PRCC: variants seen among roughly 807,000 people sequenced by gnomAD.
PRCC encodes the protein proline rich mitotic checkpoint control factor.
Under a neutral mutation model 44.0 loss-of-function variants are expected in PRCC, and 10 were observed. The observed-to-expected ratio is 0.23, with a 90% CI of 0.14 to 0.39. PRCC has a LOEUF of 0.39. Among genes scored for constraint, PRCC ranks in the 10% least tolerant of loss-of-function variants. The probability of loss-of-function intolerance (pLI) is 1.00; values close to 1 mark genes in which losing one functional copy is unlikely to be tolerated. For synonymous variants in PRCC, 278 were observed against 259.5 expected (o/e 1.07, Z -0.69); for missense variants, 573 against 624.7 (o/e 0.92, Z 0.88).
Position 156,767,771 on chromosome 1 carries a change from C to T in PRCC, c.-1C>T. On this transcript the variant is annotated 5_prime_UTR_variant, in exon 1 of 7. Coordinates refer to ENST00000271526, the MANE Select transcript of PRCC (RefSeq NM_005973.5). ...AGGGCGCCCGAAACGCGGGAGGCGCCATGTCGCTGGTTGCTTACGCCAGCA... is the reference window on the plus strand; with the variant it reads ...AGGGCGCCCGAAACGCGGGAGGCGCTATGTCGCTGGTTGCTTACGCCAGCA... The T allele has an allele frequency of 2.5e-6, 4 of 1,596,118 alleles. No homozygotes were observed. The highest frequency in any genetic ancestry group is 3.4e-6 in the Non-Finnish European group (4 of 1,173,004).
In PRCC at chr1:156,788,100, T is replaced by C. The variant is rs146659921; in HGVS notation, c.1083+926T>C. Among the ~76,000 whole-genome samples, 813 of 152,286 alleles carry C rather than the reference T, an allele frequency of 5.3e-3. 4 individuals are homozygous for C. Among genetic ancestry groups the C allele is most frequent in the Non-Finnish European group, 6.5e-3 (443 of 68,018 alleles). ...ATCTGCCCGTTGCAGCCTCCTAAAG[T>C]GATGGAATTATAGTGTGAGCCACCA... On this transcript the variant is annotated intron_variant, in intron 3 of 6. Coordinates refer to ENST00000271526, the MANE Select transcript of PRCC (RefSeq NM_005973.5).
intron 6 of PRCC, among the ~76,000 whole-genome samples, chr1:156,799,283 T>G (rs1652765978): frequency 6.6e-6 from 1 of 152,224 alleles, no homozygotes. Flanking sequence ...TTTTTTAGTA[T>G]TTCTAAGTTA....
intron 2 of PRCC, 131 bp from the exon 3 acceptor site, chr1:156,786,477 A>C: frequency 1.1e-6 from 1 of 936,930 alleles, no homozygotes; most frequent in Middle Eastern, 2.4e-4. Flanking sequence ...GGACGGAGGT[A>C]AGGAAGAAAC....
At chr1:156,782,386 C>A in intron 2 of PRCC, 57 bp downstream of exon 2, 1 of 1,457,598 alleles carries the variant, frequency 6.9e-7, no homozygotes, top group Non-Finnish European at 9.5e-7. Context: ...TCCTCAAAGA[C>A]AGGACTTACA....
chr1:156,787,972 C>T (rs1652335388), intron 3 of PRCC, among the ~76,000 whole-genome samples: 3 of 152,158 alleles, frequency 2.0e-5, no homozygotes, highest in Admixed American at 6.6e-5. Context: ...GCTGGGACTA[C>T]AGGCACATTC....
intron 5 of PRCC, among the ~76,000 whole-genome samples, chr1:156,795,022 G>C (rs556499459): frequency 1.3e-5 from 2 of 152,120 alleles, no homozygotes; most frequent in African/African-American, 4.8e-5. Flanking sequence ...GCAGCTGGAT[G>C]GGGGGTCTGG....
chr1:156,768,637 C>T (rs1018593763), intron 1 of PRCC, among the ~76,000 whole-genome samples: 25 of 152,176 alleles, frequency 1.6e-4, no homozygotes, highest in African/African-American at 5.8e-4. Context: ...TGCCGAACAT[C>T]TGGGACAAAT....
intron 2 of PRCC, among the ~76,000 whole-genome samples, chr1:156,782,816 G>A (rs1340084528): frequency 6.6e-6 from 1 of 152,126 alleles, no homozygotes; most frequent in Non-Finnish European, 1.5e-5. Context: ...TATCATCCCT[G>A]TTTTACATAT....
At chr1:156,782,213 G>A (rs989049373) in intron 1 of PRCC, 69 bp from the exon 2 acceptor site, 1 of 1,405,392 alleles carries the variant, frequency 7.1e-7, no homozygotes, top group East Asian at 2.3e-5. Flanking sequence ...CTTCATATGT[G>A]CTATATTTAA....
In PRCC at chr1:156,767,685, G is replaced by T; in HGVS notation, c.-87G>T. 7.4e-7 allele frequency: 1 copy of T among 1,358,506 alleles called. No homozygotes were observed. The highest frequency in any genetic ancestry group is 9.8e-7 in the Non-Finnish European group (1 of 1,015,256). 84.2% of individuals were successfully genotyped at this position (1,358,506 alleles called of 1,614,324 possible). On this transcript the variant is annotated 5_prime_UTR_variant, in exon 1 of 7. Coordinates refer to ENST00000271526, the MANE Select transcript of PRCC (RefSeq NM_005973.5). Reference sequence around the variant, plus strand: ...ACTTTTCGGTTCCCCGCCCCGCCAGGTGGCGGGGCCTACTAGGCCTCCGGG... The same window carrying T: ...ACTTTTCGGTTCCCCGCCCCGCCAGTTGGCGGGGCCTACTAGGCCTCCGGG...
chr1:156,786,090 G>T (rs1047818993), intron 2 of PRCC, among the ~76,000 whole-genome samples: 1 of 152,078 alleles, frequency 6.6e-6, no homozygotes, highest in African/African-American at 2.4e-5. Context: ...GATTACAGGC[G>T]TGAGCCACCA....
At chr1:156,783,389 T>C (rs1652118188) in intron 2 of PRCC, among the ~76,000 whole-genome samples, 1 of 152,242 alleles carries the variant, frequency 6.6e-6, no homozygotes. Flanking sequence ...CTTGGTGATT[T>C]ATACATTCTA....
chr1:156,798,306 C>T (rs1213756985), intron 6 of PRCC, among the ~76,000 whole-genome samples: 3 of 151,854 alleles, frequency 2.0e-5, no homozygotes, highest in Non-Finnish European at 4.4e-5. Context: ...GCAACAACTT[C>T]ACAAATTTCC....
At chr1:156,773,792 C>T (rs969392553) in intron 1 of PRCC, among the ~76,000 whole-genome samples, 1 of 152,232 alleles carries the variant, frequency 6.6e-6, no homozygotes, top group African/African-American at 2.4e-5. Context: ...CAAACAGATA[C>T]TTGTACACCA....
At chr1:156,788,079 G>A (rs943806871) in intron 3 of PRCC, among the ~76,000 whole-genome samples, 1 of 152,106 alleles carries the variant, frequency 6.6e-6, no homozygotes. Context: ...TAAGGGATCT[G>A]CCCGTTGCAG....
chr1:156,798,776 G>A (rs150411804), intron 6 of PRCC, among the ~76,000 whole-genome samples: 5,856 of 151,228 alleles, frequency 0.039, 146 homozygotes, highest in Middle Eastern at 0.061. Flanking sequence ...TTGAACCCGG[G>A]AGGTGGAGGT....
At position 156,787,124 on chromosome 1, in the gene PRCC, A is replaced by G. The variant is rs760945152; in HGVS notation, c.1033A>G (p.Asn345Asp). 4.3e-6 allele frequency: 7 copies of G among 1,613,444 alleles called. No individual in the cohort carries two copies. In the Admixed American group the frequency reaches 8.3e-5, roughly 19 times the overall value. Reference protein sequence around the residue: ...MPKPGDDYSYNQFSTYGDANA... With the variant: ...MPKPGDDYSYDQFSTYGDANA... ...TAAGCCTGGGGACGACTACAGCTACAATCAGTTTTCCACATATGGCGATGC... is the reference window on the plus strand; with the variant it reads ...TAAGCCTGGGGACGACTACAGCTACGATCAGTTTTCCACATATGGCGATGC... The change falls in exon 3 of 7, where the codon AAT becomes GAT. Residue 345 changes from asparagine to aspartate, a missense_variant. Around this residue, in one of 4 missense-constraint regions of PRCC, gnomAD observed 141 missense variants for 130.2 expected, o/e 1.08. Coordinates refer to ENST00000271526, the MANE Select transcript of PRCC (RefSeq NM_005973.5).
intron 2 of PRCC, among the ~76,000 whole-genome samples, chr1:156,785,179 T>G (rs1463824600): frequency 6.6e-6 from 1 of 152,104 alleles, no homozygotes; most frequent in Admixed American, 6.5e-5. Flanking sequence ...ATAAAAACCC[T>G]TTCAGTCAGC....
intron 3 of PRCC, among the ~76,000 whole-genome samples, chr1:156,790,213 C>G (rs865837377): frequency 2.0e-5 from 3 of 152,370 alleles, no homozygotes; most frequent in African/African-American, 7.2e-5. Context: ...AGAACCTGTT[C>G]TGACCAAATA....
Sources: allele counts gnomAD v4.1 joint callset (sites outside exome capture counted in the v4.1 genomes callset), GRCh38; gene constraint gnomAD v4.1.1; regional missense constraint gnomAD v4.1.1; transcripts MANE v1.5; gene names NCBI Gene and HGNC (gene_info 2026-07-23, HGNC 2026-07-21).